KIF3C: variants seen among roughly 807,000 people sequenced by gnomAD.
KIF3C encodes kinesin-like protein KIF3C.
KIF3C carries 12 observed loss-of-function variants against 67.7 expected under a neutral mutation model. That is an observed-to-expected ratio of 0.18 (90% confidence interval 0.11 to 0.29). KIF3C has a LOEUF of 0.29. KIF3C is among the 10% of genes least tolerant of loss of function. The pLI is 1.00. For missense variants in KIF3C, 789 were observed against 1,059.6 expected (o/e 0.74, Z 3.55); for synonymous variants, 393 against 426.2 (o/e 0.92, Z 0.96).
intron 1 of KIF3C, among the ~76,000 whole-genome samples, chr2:25,963,694 A>C (rs1664067706): frequency 6.8e-6 from 1 of 147,736 alleles, no homozygotes; most frequent in Non-Finnish European, 1.5e-5. Context: ...TATTATTATT[A>C]TTATTATTAT....
Position 25,935,445 on chromosome 2 carries a change from C to A in KIF3C, c.2007-5382G>T, listed in dbSNP as rs141483829. ...GTGATGGCAACATCATAGCTCACTG[C>A]AGCCTCAAATTCCTGGGCTCAAATA... On this transcript the variant is annotated intron_variant, in intron 5 of 7. Coordinates refer to ENST00000264712, the MANE Select transcript of KIF3C (RefSeq NM_002254.8). 6.6e-5 allele frequency among the ~76,000 whole-genome samples: 10 copies of A among 152,118 alleles called. No individual in the cohort carries two copies. The East Asian group carries it at 1.9e-3, about 29-fold the overall frequency.
chr2:25,959,555 T>C (rs957304117), intron 1 of KIF3C, among the ~76,000 whole-genome samples: 7 of 152,108 alleles, frequency 4.6e-5, no homozygotes, highest in South Asian at 2.1e-4. Context: ...TTCTCCTGCC[T>C]CAGCCTCCCA....
intron 1 of KIF3C, among the ~76,000 whole-genome samples, chr2:25,969,712 T>C (rs1331169136): frequency 6.8e-6 from 1 of 147,522 alleles, no homozygotes; most frequent in Non-Finnish European, 1.5e-5. Flanking sequence ...TAAAAAGATT[T>C]GTTGGGTTTT....
chr2:25,952,855 A>C (rs1024899949), intron 4 of KIF3C, among the ~76,000 whole-genome samples: 106 of 152,054 alleles, frequency 7.0e-4, no homozygotes, highest in African/African-American at 2.5e-3. Flanking sequence ...AGCAAATTGT[A>C]TATTTTAAAA....
In KIF3C at chr2:25,980,518, C is replaced by T. The variant is rs980648152; in HGVS notation, c.1400G>A (p.Arg467Gln). ...GATGGCTGCCTTCTCCTCCTCCAGC[C>T]GCTCCTTCTGTTCCTGCAGGTAATT... ...MENYLQEQKE[R>Q]LEEEKAAIQD... is the part of the protein sequence containing the mutation. The change falls in exon 1 of 8, where the codon CGG becomes CAG. Residue 467 changes from arginine to glutamine, a missense_variant. Physicochemically the swap from Arg to Gln is conservative, Grantham distance 43. This residue lies in a region of KIF3C where 648 missense variants were observed against 807.8 expected (regional missense o/e 0.80). Transcript: ENST00000264712. The surrounding 1 kb of genome is among the most constrained non-coding windows in gnomAD (Gnocchi z 7.6). The T allele has an allele frequency of 9.9e-6, 16 of 1,614,018 alleles. No homozygotes were observed. Among genetic ancestry groups the T allele is most frequent in the South Asian group, 5.5e-5 (5 of 91,092 alleles).
At chr2:25,973,655 T>C (rs1451850202) in intron 1 of KIF3C, among the ~76,000 whole-genome samples, 1 of 151,866 alleles carries the variant, frequency 6.6e-6, no homozygotes, top group African/African-American at 2.4e-5. Context: ...CAAGGCCACC[T>C]ATTTCTTCTT....
intron 5 of KIF3C, among the ~76,000 whole-genome samples, chr2:25,948,164 G>T (rs1663495640): frequency 8.5e-5 from 13 of 152,154 alleles, no homozygotes; most frequent in Admixed American, 8.5e-4. Flanking sequence ...CAAGGCTGCA[G>T]TGAGCTGTGA....
chr2:25,972,923 C>T (rs1344470290), intron 1 of KIF3C, among the ~76,000 whole-genome samples: 2 of 152,056 alleles, frequency 1.3e-5, no homozygotes, highest in East Asian at 1.9e-4. Context: ...TCTCTCTTCT[C>T]TTCTTCCCAT....
At chr2:25,930,680 G>A (rs778345867) in intron 5 of KIF3C, among the ~76,000 whole-genome samples, 1 of 152,118 alleles carries the variant, frequency 6.6e-6, no homozygotes, top group Non-Finnish European at 1.5e-5. Flanking sequence ...TTGGATTATA[G>A]GCATGTGGCA....
At chr2:25,938,013 C>T (rs1663183759) in intron 5 of KIF3C, among the ~76,000 whole-genome samples, 1 of 151,912 alleles carries the variant, frequency 6.6e-6, no homozygotes, top group South Asian at 2.1e-4. Context: ...GAGATCATGC[C>T]ACTGCATTCC....
chr2:25,955,981 G>A lies in KIF3C; in HGVS notation c.1648-318C>T, dbSNP rs1221940762. On this transcript the variant is annotated intron_variant, in intron 2 of 7. Transcript: ENST00000264712. This position sits in a 1 kb window ranked among gnomAD's most constrained non-coding sequence, Gnocchi z 5.0. ...CCAAGCTGCCTCACCCTCTCCCCAA[G>A]TAGTATAATGGTTGATTGGTAAGAC... Among the ~76,000 whole-genome samples the A allele has an allele frequency of 6.6e-6, 1 of 152,174 alleles. No individual in the cohort carries two copies. The highest frequency in any genetic ancestry group is 1.5e-5 in the Non-Finnish European group (1 of 68,044).
At chr2:25,950,886 A>C (rs1663589578) in intron 5 of KIF3C, among the ~76,000 whole-genome samples, 1 of 140,334 alleles carries the variant, frequency 7.1e-6, no homozygotes, top group African/African-American at 2.9e-5. Flanking sequence ...CATCTAAGCT[A>C]TAGTTGTTAA....
intron 1 of KIF3C, among the ~76,000 whole-genome samples, chr2:25,961,081 C>T (rs377015533): frequency 2.0e-5 from 3 of 152,210 alleles, no homozygotes; most frequent in South Asian, 2.1e-4. Context: ...AACATGTTTC[C>T]GGCAAGAGGA....
chr2:25,961,026 G>A (rs1162882486), intron 1 of KIF3C, among the ~76,000 whole-genome samples: 1 of 152,216 alleles, frequency 6.6e-6, no homozygotes, highest in East Asian at 1.9e-4. Context: ...CTATTGCAGG[G>A]GCTGTGGTGA....
chr2:25,962,959 A>T lies in KIF3C; in HGVS notation c.1546-6515T>A, dbSNP rs866741936. 4.1e-3 allele frequency among the ~76,000 whole-genome samples: 140 copies of T among 34,128 alleles called. 7 individuals are homozygous for T. The highest frequency in any genetic ancestry group is 0.011 in the African/African-American group (44 of 4,010). The allele number at this position is 34,128 out of a possible 152,430, so 22.4% of individuals were successfully genotyped here. Reference sequence around the variant, plus strand: ...TATAATATATAATATATAATATATAATATATATAATATATAATATATAATA... The same window carrying T: ...TATAATATATAATATATAATATATATTATATATAATATATAATATATAATA... On this transcript the variant is annotated intron_variant, in intron 1 of 7. Transcript: ENST00000264712.
At chr2:25,935,134 CT>C (rs942131335) in intron 5 of KIF3C, among the ~76,000 whole-genome samples, 2 of 151,948 alleles carry the variant, frequency 1.3e-5, no homozygotes, top group African/African-American at 4.8e-5. Context: ...GTCCCAGCTA[CT>C]TGGGAAGCTG....
At chr2:25,929,548 T>C in intron 6 of KIF3C, 71 bp from the exon 7 acceptor site, 1 of 1,402,198 alleles carries the variant, frequency 7.1e-7, no homozygotes, top group Non-Finnish European at 1.0e-6. Context: ...TCAGCCAGTC[T>C]TGGGTGTAGC....
At chr2:25,952,545 GTGTGTATA>G (rs776469397) in intron 4 of KIF3C, among the ~76,000 whole-genome samples, 56 of 100,616 alleles carry the variant, frequency 5.6e-4, no homozygotes, top group East Asian at 4.6e-3. Flanking sequence ...GTGTGTGTGT[GTGTGTATA>G]TATATATATA....
At position 25,982,010 on chromosome 2, in the gene KIF3C, C is replaced by T; in HGVS notation, c.-93G>A. On this transcript the variant is annotated 5_prime_UTR_variant, in exon 1 of 8. Transcript: ENST00000264712. Reference sequence around the variant, plus strand: ...TAGGTCGGGATCAGCGGGGCCGGCCCAGCCCCCAGGCGCAGCTCTTCAATC... The same window carrying T: ...TAGGTCGGGATCAGCGGGGCCGGCCTAGCCCCCAGGCGCAGCTCTTCAATC... 9.5e-7 allele frequency: 1 copy of T among 1,056,986 alleles called. No individual in the cohort carries two copies. The highest frequency in any genetic ancestry group is 1.3e-6 in the Non-Finnish European group (1 of 750,840). The allele number at this position is 1,056,986 out of a possible 1,614,324, so 65.5% of individuals were successfully genotyped here.
Sources: gnomAD v4.1 joint callset for allele counts (sites outside exome capture counted in the v4.1 genomes callset) on GRCh38, gnomAD v4.1.1 for gene constraint, gnomAD v4.1.1 regional missense constraint, Gnocchi (gnomAD v3.1) non-coding constraint, MANE v1.5 for transcripts, NCBI Gene and HGNC (gene_info 2026-07-23, HGNC 2026-07-21) for gene names.